The following MAGI1 variants were observed in gnomAD, a reference collection of about 807,000 sequenced individuals.
The protein encoded by MAGI1 is membrane-associated guanylate kinase, WW and PDZ domain-containing protein 1.
MAGI1 carries 58 observed loss-of-function variants against 139.9 expected under a neutral mutation model. That is an observed-to-expected ratio of 0.41 (90% CI 0.34 to 0.52). MAGI1 has a LOEUF of 0.52. MAGI1 is among the 20% of genes least tolerant of loss of function. The pLI is 0.12. For missense variants in MAGI1, 1,874 were observed against 1,901.6 expected, an observed-to-expected ratio of 0.99 and a Z score of 0.27; for synonymous variants, 812 against 737.9, an observed-to-expected ratio of 1.10 and a Z score of -1.63.
intron 1 of MAGI1, among the ~76,000 whole-genome samples, chr3:65,649,506 G>A (rs148964411): frequency 2.6e-5 from 4 of 152,258 alleles, no homozygotes; most frequent in East Asian, 3.9e-4. Context: ...TGGGCATTAT[G>A]AAAATTAACA....
At chr3:65,875,352 T>C (rs2060076511) in intron 1 of MAGI1, among the ~76,000 whole-genome samples, 1 of 152,226 alleles carries the variant, frequency 6.6e-6, no homozygotes, top group South Asian at 2.1e-4. Flanking sequence ...AGTATTTAGT[T>C]GTAAACTTTA....
At position 65,891,219 on chromosome 3, in the gene MAGI1, A is replaced by C. The variant is rs529482927; in HGVS notation, c.313+146777T>G. Among the ~76,000 whole-genome samples the C allele has an allele frequency of 3.3e-5, 5 of 151,932 alleles. No individual in the cohort carries two copies. The East Asian group carries it at 9.7e-4, about 29-fold the overall frequency. The stretch of plus-strand genomic sequence containing the variant: ...CCTGTCACAGAAAAACACACACAAA[A>C]AAAAAAAAAGGAAAGAAAGAAACCA... On this transcript the variant is annotated intron_variant, in intron 1 of 22. Transcript: ENST00000402939.
At chr3:65,986,999 T>C (rs766637241) in intron 1 of MAGI1, among the ~76,000 whole-genome samples, 20 of 151,670 alleles carry the variant, frequency 1.3e-4, no homozygotes, top group Admixed American at 5.9e-4. Flanking sequence ...GTTTCCAGAG[T>C]AGCTGGGACT....
intron 1 of MAGI1, among the ~76,000 whole-genome samples, chr3:66,005,711 AGAT>A (rs944352913): frequency 2.7e-4 from 41 of 152,200 alleles, no homozygotes; most frequent in African/African-American, 9.2e-4. Context: ...CAAGGAAAGA[AGAT>A]GACACAAAAA....
chr3:65,597,797 T>A, intron 2 of MAGI1: 1 of 456,598 alleles, frequency 2.2e-6, no homozygotes, highest in South Asian at 1.5e-5. Context: ...GAGGAGATCA[T>A]GGACCACTTG....
chr3:65,737,993 G>A (rs1296605409), intron 1 of MAGI1, among the ~76,000 whole-genome samples: 2 of 152,134 alleles, frequency 1.3e-5, no homozygotes, highest in African/African-American at 4.8e-5. Context: ...ACTCACTGTA[G>A]GCAACTAGTG....
At chr3:65,907,036 A>G (rs1207591676) in intron 1 of MAGI1, among the ~76,000 whole-genome samples, 1 of 150,376 alleles carries the variant, frequency 6.6e-6, no homozygotes, top group Non-Finnish European at 1.5e-5. Context: ...TCAGTGAGAA[A>G]AATCTTGCCT....
At chr3:65,633,832 C>T (rs571082927) in intron 1 of MAGI1, among the ~76,000 whole-genome samples, 6 of 152,182 alleles carry the variant, frequency 3.9e-5, no homozygotes, top group African/African-American at 1.4e-4. Context: ...TATGGCATGC[C>T]CTCGTAAACA....
chr3:65,569,233 A>C (rs1035673226), intron 2 of MAGI1, among the ~76,000 whole-genome samples: 1 of 152,216 alleles, frequency 6.6e-6, no homozygotes, highest in Non-Finnish European at 1.5e-5. Context: ...AGAATAGTCA[A>C]ATTCATGGAG....
intron 1 of MAGI1, among the ~76,000 whole-genome samples, chr3:65,624,017 A>T (rs2083829085): frequency 1.3e-5 from 2 of 152,236 alleles, no homozygotes; most frequent in South Asian, 4.1e-4. Flanking sequence ...TTAAGCATAT[A>T]AAAAGATGTT....
chr3:65,427,248 G>A (rs1947116357), intron 12 of MAGI1, among the ~76,000 whole-genome samples: 1 of 151,970 alleles, frequency 6.6e-6, no homozygotes, highest in African/African-American at 2.4e-5. Flanking sequence ...GGAGGTTGAG[G>A]CTGCAGTGAG....
At chr3:65,485,307 G>A (rs1307157263) in intron 3 of MAGI1, among the ~76,000 whole-genome samples, 8 of 152,066 alleles carry the variant, frequency 5.3e-5, no homozygotes, top group Non-Finnish European at 1.2e-4. Context: ...TTCATGCACA[G>A]AAGGACAATA....
At chr3:65,971,332 A>G (rs918466741) in intron 1 of MAGI1, among the ~76,000 whole-genome samples, 5 of 152,192 alleles carry the variant, frequency 3.3e-5, no homozygotes, top group African/African-American at 1.2e-4. Context: ...GAGTCTATGG[A>G]TTATGGTCTT....
intron 4 of MAGI1, among the ~76,000 whole-genome samples, chr3:65,474,713 G>A (rs573863572): frequency 6.6e-5 from 10 of 152,124 alleles, no homozygotes; most frequent in African/African-American, 9.6e-5. Context: ...TCTGAAGCTC[G>A]TTTTAAATTA....
intron 5 of MAGI1, among the ~76,000 whole-genome samples, chr3:65,455,100 G>A (rs1018222001): frequency 6.6e-6 from 1 of 151,966 alleles, no homozygotes; most frequent in African/African-American, 2.4e-5. Context: ...GATTATGCAG[G>A]ATTAAGAAAA....
rs192233439 is a variant in MAGI1, at chr3:65,537,434, C to G, written c.431-43803G>C. On this transcript the variant is annotated intron_variant, in intron 2 of 22. Coordinates refer to ENST00000402939, the MANE Select transcript of MAGI1 (RefSeq NM_001033057.2). ...AATTTATGGCACCTTGTAGCATTTG[C>G]CACATTGGCTCACTGTTATTTATTC... Among the ~76,000 whole-genome samples, 230 of 152,264 alleles carry G rather than the reference C, an allele frequency of 1.5e-3. 1 individual carries two copies. Among genetic ancestry groups the G allele is most frequent in the African/African-American group, 5.3e-3 (222 of 41,566 alleles).
At chr3:65,377,997 C>T (rs1235083930) in intron 17 of MAGI1, among the ~76,000 whole-genome samples, 1 of 152,194 alleles carries the variant, frequency 6.6e-6, no homozygotes, top group African/African-American at 2.4e-5. Context: ...ATAAGTCATT[C>T]AGGGATAGAG....
At chr3:65,923,222 A>C (rs1460336256) in intron 1 of MAGI1, among the ~76,000 whole-genome samples, 1 of 120,860 alleles carries the variant, frequency 8.3e-6, no homozygotes, top group Non-Finnish European at 1.6e-5. Context: ...CATTCAACAG[A>C]CATCTTTTTT....
chr3:65,537,834 T>C (rs1401254124), intron 2 of MAGI1, among the ~76,000 whole-genome samples: 2 of 152,178 alleles, frequency 1.3e-5, no homozygotes, highest in African/African-American at 4.8e-5. Context: ...ATCTTTTAAA[T>C]GTATCAAACA....
Sources: gnomAD v4.1 joint callset for allele counts (sites outside exome capture counted in the v4.1 genomes callset) on GRCh38, gnomAD v4.1.1 for gene constraint, MANE v1.5 for transcripts, NCBI Gene and HGNC (gene_info 2026-07-23, HGNC 2026-07-21) for gene names.